ESRRG: variants seen among roughly 807,000 people sequenced by gnomAD.
The protein encoded by ESRRG is estrogen-related receptor gamma.
Under a neutral mutation model 44.0 loss-of-function variants are expected in ESRRG, and 13 were observed. The observed-to-expected ratio is 0.30, with a 90% CI of 0.19 to 0.47. ESRRG has a LOEUF of 0.47. ESRRG is among the 20% of genes least tolerant of loss of function. The probability of loss-of-function intolerance (pLI) is 1.00; values close to 1 mark genes in which losing one functional copy is unlikely to be tolerated. For synonymous variants in ESRRG, 215 were observed against 214.6 expected (o/e 1.00, Z -0.02); for missense variants, 395 against 580.6 (o/e 0.68, Z 3.29).
At chr1:217,086,875 T>C (rs2092112032) in intron 1 of ESRRG, among the ~76,000 whole-genome samples, 2 of 152,208 alleles carry the variant, frequency 1.3e-5, no homozygotes, top group Non-Finnish European at 2.9e-5. Context: ...TTAACCTCCT[T>C]GGATATGATT....
At chr1:216,625,225 G>T (rs1188844223) in intron 3 of ESRRG, among the ~76,000 whole-genome samples, 1 of 151,704 alleles carries the variant, frequency 6.6e-6, no homozygotes, top group Non-Finnish European at 1.5e-5. Flanking sequence ...TAATAGCTTT[G>T]TTCCTTTCTC....
At chr1:216,558,777 A>G (rs1159069491) in intron 5 of ESRRG, among the ~76,000 whole-genome samples, 3 of 152,144 alleles carry the variant, frequency 2.0e-5, no homozygotes, top group Admixed American at 2.0e-4. Flanking sequence ...ATTAATCACA[A>G]CTACAGGTAT....
rs149864163 is a variant in ESRRG at position 216,666,709 on chromosome 1, G to T, written c.472+10367C>A. 9.5e-3 allele frequency among the ~76,000 whole-genome samples: 1,440 copies of T among 152,334 alleles called. 17 individuals are homozygous for T. The highest frequency in any genetic ancestry group is 0.013 in the Non-Finnish European group (876 of 68,030). Reference sequence around the variant, plus strand: ...AAGTCCAGTGATCTGTAGGCAAAGAGTCAGCCACACCCGCTTCCTGAAAGT... The same window carrying T: ...AAGTCCAGTGATCTGTAGGCAAAGATTCAGCCACACCCGCTTCCTGAAAGT... On this transcript the variant is annotated intron_variant, in intron 2 of 6. Transcript: ENST00000408911.
chr1:216,643,699 T>C (rs2066917370), intron 3 of ESRRG, among the ~76,000 whole-genome samples: 1 of 152,148 alleles, frequency 6.6e-6, no homozygotes, highest in South Asian at 2.1e-4. Context: ...ATCACCATCA[T>C]TATCTCTGAC....
At chr1:217,077,696 G>A (rs139208367) in intron 1 of ESRRG, among the ~76,000 whole-genome samples, 49 of 152,262 alleles carry the variant, frequency 3.2e-4, no homozygotes, top group Non-Finnish European at 5.3e-4. Context: ...TGCTCTTTAC[G>A]AGTAAATTAA....
intron 1 of ESRRG, among the ~76,000 whole-genome samples, chr1:217,113,006 G>A (rs1558274926): frequency 6.6e-6 from 1 of 152,160 alleles, no homozygotes; most frequent in Admixed American, 6.5e-5. Flanking sequence ...TAGAATAAGT[G>A]CCAATAAGTC....
intron 1 of ESRRG, among the ~76,000 whole-genome samples, chr1:216,969,872 C>T (rs940143909): frequency 6.6e-6 from 1 of 152,166 alleles, no homozygotes; most frequent in Non-Finnish European, 1.5e-5. Flanking sequence ...AGGCATGAGC[C>T]ACGGTGCCCA....
chr1:216,754,761 G>T (rs750674175), intron 2 of ESRRG, among the ~76,000 whole-genome samples: 2 of 144,064 alleles, frequency 1.4e-5, no homozygotes, highest in Non-Finnish European at 1.5e-5. Flanking sequence ...TAAAAGATTT[G>T]GTGGGAAACT....
chr1:216,742,064 A>T (rs1027991067), intron 2 of ESRRG, among the ~76,000 whole-genome samples: 2 of 152,144 alleles, frequency 1.3e-5, no homozygotes, highest in Non-Finnish European at 2.9e-5. Context: ...ATTCAAGTCT[A>T]TTCATAACCT....
At chr1:216,656,216 T>G (rs1334434903) in intron 2 of ESRRG, among the ~76,000 whole-genome samples, 1 of 152,140 alleles carries the variant, frequency 6.6e-6, no homozygotes, top group African/African-American at 2.4e-5. Flanking sequence ...GATTATAGCT[T>G]GCTATTTTCT....
At chr1:216,786,251 C>A (rs905278975) in intron 2 of ESRRG, among the ~76,000 whole-genome samples, 1 of 152,086 alleles carries the variant, frequency 6.6e-6, no homozygotes, top group African/African-American at 2.4e-5. Flanking sequence ...AATAGACTTC[C>A]TTCCCTTCTG....
intron 5 of ESRRG, among the ~76,000 whole-genome samples, chr1:216,560,958 C>T (rs2058610910): frequency 6.6e-6 from 1 of 152,106 alleles, no homozygotes; most frequent in Non-Finnish European, 1.5e-5. Flanking sequence ...TTAAAAAGGG[C>T]TATTAGGGCA....
At chr1:216,595,705 T>A (rs2150066808) in intron 3 of ESRRG, among the ~76,000 whole-genome samples, 1 of 152,354 alleles carries the variant, frequency 6.6e-6, no homozygotes, top group Middle Eastern at 3.4e-3. Flanking sequence ...TATTCTTGGC[T>A]GTTTCCTCTC....
intron 1 of ESRRG, among the ~76,000 whole-genome samples, chr1:217,069,610 C>T (rs185586080): frequency 8.9e-4 from 135 of 152,200 alleles, no homozygotes; most frequent in Non-Finnish European, 1.6e-3. Flanking sequence ...TCTCATACAA[C>T]AGTCTAGGGC....
chr1:216,550,886 GAACA>G (rs2056115347), intron 5 of ESRRG, among the ~76,000 whole-genome samples: 9 of 152,122 alleles, frequency 5.9e-5, no homozygotes, highest in Admixed American at 5.9e-4. Context: ...TAGAGTTTAA[GAACA>G]GCATAAAAGT....
At chr1:216,603,362 T>C (rs921007891) in intron 3 of ESRRG, among the ~76,000 whole-genome samples, 2 of 152,214 alleles carry the variant, frequency 1.3e-5, no homozygotes, top group Non-Finnish European at 2.9e-5. Context: ...CTAACTTTCA[T>C]TGAAGTAGCA....
intron 2 of ESRRG, among the ~76,000 whole-genome samples, chr1:216,812,327 T>C (rs778710191): frequency 6.6e-6 from 1 of 152,184 alleles, no homozygotes; most frequent in Non-Finnish European, 1.5e-5. Context: ...TAAGTAGATA[T>C]ACATTGAACT....
intron 3 of ESRRG, among the ~76,000 whole-genome samples, chr1:216,589,411 T>G (rs1441655955): frequency 2.0e-5 from 3 of 152,164 alleles, no homozygotes; most frequent in Admixed American, 6.5e-5. Context: ...TTAGTGTTAG[T>G]GTATTTCATA....
In ESRRG at chr1:216,653,299, C is replaced by A. The variant is rs549745374; in HGVS notation, c.473-2210G>T. Among the ~76,000 whole-genome samples the A allele has an allele frequency of 1.5e-4, 23 of 152,308 alleles. No homozygotes were observed. The East Asian group carries it at 4.5e-3, about 29-fold the overall frequency. On this transcript the variant is annotated intron_variant, in intron 2 of 6. Coordinates refer to ENST00000408911, the MANE Select transcript of ESRRG (RefSeq NM_001438.4). ...CCCTCCCTGGGCTTTTTGCCTCCGT[C>A]CTGACCCACTCTAATCCATGTGGCA...
Sources: gnomAD v4.1 joint callset for allele counts (sites outside exome capture counted in the v4.1 genomes callset) on GRCh38, gnomAD v4.1.1 for gene constraint, MANE v1.5 for transcripts, NCBI Gene and HGNC (gene_info 2026-07-23, HGNC 2026-07-21) for gene names.